SPIDR: variants seen among roughly 807,000 people sequenced by gnomAD.
The protein encoded by SPIDR is scaffold protein involved in DNA repair.
A neutral mutation model predicts 104.6 loss-of-function variants in SPIDR; 93 were observed. The ratio of observed to expected loss-of-function variants is 0.89; its 90% CI spans 0.75 to 1.06. SPIDR has a LOEUF of 1.06. SPIDR is among the 50% of genes least tolerant of loss of function. The pLI, the probability that SPIDR is intolerant of heterozygous loss-of-function variation, is 0.00. For missense variants in SPIDR, 1,154 were observed against 1,111.2 expected, an observed-to-expected ratio of 1.04 and a Z score of -0.55; for synonymous variants, 431 against 416.9, an observed-to-expected ratio of 1.03 and a Z score of -0.41.
chr8:47,478,012 G>A (rs536607483), intron 8 of SPIDR, among the ~76,000 whole-genome samples: 1 of 152,324 alleles, frequency 6.6e-6, no homozygotes, highest in South Asian at 2.1e-4. Flanking sequence ...ATGTGAAGGG[G>A]AAGTGGTATG....
chr8:47,330,831 G>A (rs782794841), intron 5 of SPIDR: 38 of 456,066 alleles, frequency 8.3e-5, no homozygotes, highest in South Asian at 3.1e-4. Context: ...GGAAGTTTCC[G>A]TGTGGAGATA....
Position 47,312,085 on chromosome 8 carries a change from G to T in SPIDR, c.525+18055G>T, listed in dbSNP as rs1327418097. Among the ~76,000 whole-genome samples the T allele has an allele frequency of 3.3e-4, 50 of 152,238 alleles. No homozygotes were observed. In the East Asian group the frequency reaches 4.6e-3, roughly 14 times the overall value. Reference sequence around the variant, plus strand: ...TATGGCTGCATAGTATTCCATGGTGGATATGTGCCACATTTTCTTAATCCA... The same window carrying T: ...TATGGCTGCATAGTATTCCATGGTGTATATGTGCCACATTTTCTTAATCCA... On this transcript the variant is annotated intron_variant, in intron 5 of 19. Transcript: ENST00000297423.
intron 5 of SPIDR, among the ~76,000 whole-genome samples, chr8:47,337,863 G>A (rs2050060590): frequency 6.6e-6 from 1 of 152,088 alleles, no homozygotes; most frequent in South Asian, 2.1e-4. Flanking sequence ...CAAGGTCATG[G>A]CACCCTTGTG....
intron 5 of SPIDR, among the ~76,000 whole-genome samples, chr8:47,306,729 C>G (rs1206778710): frequency 6.6e-6 from 1 of 152,138 alleles, no homozygotes; most frequent in East Asian, 1.9e-4. Context: ...AGGTCTGTTT[C>G]TCCCTTCAGT....
At chr8:47,572,680 A>ATAAATAAATAAAT (rs1491220970) in intron 8 of SPIDR, among the ~76,000 whole-genome samples, 4 of 123,238 alleles carry the variant, frequency 3.2e-5, no homozygotes, top group Non-Finnish European at 6.6e-5. Context: ...ATTAAAATAA[A>ATAAATAAATAAAT]TAAATAAATA....
At chr8:47,494,499 G>T (rs2079159437) in intron 8 of SPIDR, among the ~76,000 whole-genome samples, 1 of 152,040 alleles carries the variant, frequency 6.6e-6, no homozygotes. Context: ...TACACTGAAT[G>T]AACGGTTTGT....
At position 47,529,191 on chromosome 8, in the gene SPIDR, G is replaced by A. The variant is rs193264236; in HGVS notation, c.1098-66620G>A. Among the ~76,000 whole-genome samples the A allele has an allele frequency of 2.2e-4, 33 of 152,294 alleles. No individual in the cohort carries two copies. In the East Asian group the frequency reaches 6.0e-3, roughly 28 times the overall value. ...AATCCTAACACTTTGGGAGGCTGAGGCAGGAGGACCATGAGGTCAGGAGAT... is the reference window on the plus strand; with the variant it reads ...AATCCTAACACTTTGGGAGGCTGAGACAGGAGGACCATGAGGTCAGGAGAT... On this transcript the variant is annotated intron_variant, in intron 8 of 19. Coordinates refer to ENST00000297423, the MANE Select transcript of SPIDR (RefSeq NM_001080394.4).
At chr8:47,349,361 G>A (rs1327140073) in intron 5 of SPIDR, among the ~76,000 whole-genome samples, 4 of 152,136 alleles carry the variant, frequency 2.6e-5, no homozygotes, top group South Asian at 2.1e-4. Flanking sequence ...AGGGGCACCC[G>A]GCTGTATGAG....
Position 47,712,770 on chromosome 8 carries a change from G to C in SPIDR, c.2086G>C (p.Val696Leu). The change falls in exon 15 of 20, where the codon GTC (valine) becomes CTC (leucine). Residue 696 changes from valine (V) to leucine (L), a missense_variant. By Grantham distance (32) the Val-to-Leu change is conservative (BLOSUM62 1). Transcript: ENST00000297423. Reference protein sequence around the residue: ...RDPRLPKTLLVYVAPLCVLGS... With the variant: ...RDPRLPKTLLLYVAPLCVLGS... ...CCCCAGGCTCCCCAAAACCCTGCTG[G>C]TCTATGTGGCCCCCTTGTGTGTGCT... 1 of 1,614,156 alleles carries C rather than the reference G, an allele frequency of 6.2e-7. No homozygotes were observed. The highest frequency in any genetic ancestry group is 8.5e-7 in the Non-Finnish European group (1 of 1,180,038).
intron 8 of SPIDR, among the ~76,000 whole-genome samples, chr8:47,557,084 G>A (rs1163502608): frequency 6.6e-6 from 1 of 152,080 alleles, no homozygotes; most frequent in Admixed American, 6.6e-5. Context: ...TCCCAGGCCA[G>A]CCCCCAAAAG....
At chr8:47,515,785 T>C (rs560195219) in intron 8 of SPIDR, among the ~76,000 whole-genome samples, 2 of 152,362 alleles carry the variant, frequency 1.3e-5, no homozygotes, top group East Asian at 3.9e-4. Flanking sequence ...TAAGCTTTTG[T>C]GTGTATACAC....
At chr8:47,644,132 C>T (rs934036862) in intron 10 of SPIDR, among the ~76,000 whole-genome samples, 2 of 152,156 alleles carry the variant, frequency 1.3e-5, no homozygotes. Context: ...CGTTAGCAGT[C>T]ACTCCACCTC....
intron 5 of SPIDR, among the ~76,000 whole-genome samples, chr8:47,340,458 G>GTC (rs1225645408): frequency 6.6e-6 from 1 of 151,944 alleles, no homozygotes; most frequent in African/African-American, 2.4e-5. Flanking sequence ...TACAAAAACT[G>GTC]TCTGGACATG....
At chr8:47,406,868 G>T (rs1446535501) in intron 6 of SPIDR, among the ~76,000 whole-genome samples, 3 of 152,110 alleles carry the variant, frequency 2.0e-5, no homozygotes, top group Non-Finnish European at 4.4e-5. Flanking sequence ...TGTGCAGTGG[G>T]TACTGATATC....
At chr8:47,354,139 T>C (rs1351843037) in intron 5 of SPIDR, among the ~76,000 whole-genome samples, 2 of 152,194 alleles carry the variant, frequency 1.3e-5, no homozygotes, top group African/African-American at 4.8e-5. Flanking sequence ...TAAGGTATTA[T>C]TTTATATCTT....
chr8:47,677,785 C>T (rs2076625155), intron 11 of SPIDR, among the ~76,000 whole-genome samples: 1 of 152,166 alleles, frequency 6.6e-6, no homozygotes, highest in South Asian at 2.1e-4. Flanking sequence ...GAAGTGAGAA[C>T]AAATGCTTTA....
At chr8:47,578,706 T>C (rs1157412530) in intron 8 of SPIDR, among the ~76,000 whole-genome samples, 1 of 152,212 alleles carries the variant, frequency 6.6e-6, no homozygotes, top group East Asian at 1.9e-4. Flanking sequence ...TGCATTTATT[T>C]ACTATATTGT....
At chr8:47,319,999 A>C (rs1554593559) in intron 5 of SPIDR, among the ~76,000 whole-genome samples, 2 of 152,058 alleles carry the variant, frequency 1.3e-5, no homozygotes, top group East Asian at 1.9e-4. Flanking sequence ...AAAGCAGGAA[A>C]GATCTAAAAT....
At chr8:47,625,710 A>G (rs2065957581) in intron 10 of SPIDR, among the ~76,000 whole-genome samples, 1 of 152,098 alleles carries the variant, frequency 6.6e-6, no homozygotes, top group Admixed American at 6.6e-5. Flanking sequence ...AAGGAGAACT[A>G]CAAACCACTG....
Sources: allele counts gnomAD v4.1 joint callset (sites outside exome capture counted in the v4.1 genomes callset), GRCh38; gene constraint gnomAD v4.1.1; transcripts MANE v1.5; gene names NCBI Gene and HGNC (gene_info 2026-07-23, HGNC 2026-07-21).